RIMS2: variants seen among roughly 807,000 people sequenced by gnomAD.
The protein encoded by RIMS2 is regulating synaptic membrane exocytosis 2.
RIMS2 carries 59 observed loss-of-function variants against 174.4 expected under a neutral mutation model. The observed-to-expected ratio is 0.34, with a 90% CI of 0.27 to 0.42. RIMS2 has a LOEUF of 0.42. Among genes scored for constraint, RIMS2 ranks in the 10% least tolerant of loss-of-function variants. The pLI is 1.00. For missense variants in RIMS2, 1,620 were observed against 1,666.3 expected (o/e 0.97, Z 0.48); for synonymous variants, 606 against 572.5 (o/e 1.06, Z -0.84).
At chr8:103,620,261 C>A (rs1320385733) in intron 1 of RIMS2, among the ~76,000 whole-genome samples, 1 of 152,130 alleles carries the variant, frequency 6.6e-6, no homozygotes, top group African/African-American at 2.4e-5. Context: ...CAAAGATGTT[C>A]CTTCACTGCT....
intron 3 of RIMS2, among the ~76,000 whole-genome samples, chr8:103,833,215 G>T (rs2154480513): frequency 6.6e-6 from 1 of 152,184 alleles, no homozygotes; most frequent in African/African-American, 2.4e-5. Flanking sequence ...AGAAGTAAAT[G>T]GTTCGTGATG....
Position 104,107,179 on chromosome 8 carries a change from G to A in RIMS2, c.3334+92564G>A, listed in dbSNP as rs560171030. On this transcript the variant is annotated intron_variant, in intron 19 of 23. Coordinates refer to ENST00000504942, the Ensembl canonical transcript of RIMS2. Reference sequence around the variant, plus strand: ...AGGATCTTGTCTTTGTTCCTTGCACGTATGTTCACGTTGACTCTTCTACCT... The same window carrying A: ...AGGATCTTGTCTTTGTTCCTTGCACATATGTTCACGTTGACTCTTCTACCT... Among the ~76,000 whole-genome samples, 234 of 152,106 alleles carry A rather than the reference G, an allele frequency of 1.5e-3. 3 individuals carry two copies. In the South Asian group the frequency reaches 0.035, roughly 23 times the overall value.
At chr8:104,024,297 C>T (rs2096194011) in intron 19 of RIMS2, among the ~76,000 whole-genome samples, 1 of 152,150 alleles carries the variant, frequency 6.6e-6, no homozygotes, top group African/African-American at 2.4e-5. Context: ...TGTGACTTAG[C>T]TCCTTGATTT....
At chr8:103,787,520 T>A (rs1270421872) in intron 3 of RIMS2, among the ~76,000 whole-genome samples, 2 of 151,902 alleles carry the variant, frequency 1.3e-5, no homozygotes, top group Non-Finnish European at 2.9e-5. Context: ...TTATTTCTCC[T>A]TCGCTTATGA....
intron 1 of RIMS2, 33 bp downstream of exon 3, chr8:103,652,743 ATC>A (rs768004751): frequency 1.9e-5 from 22 of 1,181,354 alleles, no homozygotes; most frequent in Non-Finnish European, 2.4e-5. Flanking sequence ...ACTAAATATT[ATC>A]TCTGATAGTA....
At chr8:104,018,839 C>T (rs2096001736) in intron 19 of RIMS2, among the ~76,000 whole-genome samples, 1 of 152,130 alleles carries the variant, frequency 6.6e-6, no homozygotes, top group African/African-American at 2.4e-5. Flanking sequence ...TCTTCTTCAT[C>T]CCAGTTCAAT....
chr8:103,687,319 G>A (rs1349051064), intron 1 of RIMS2, among the ~76,000 whole-genome samples: 2 of 150,386 alleles, frequency 1.3e-5, no homozygotes, highest in Admixed American at 6.6e-5. Context: ...GGTAATTTGT[G>A]TCTTGTTTTT....
intron 1 of RIMS2, among the ~76,000 whole-genome samples, chr8:103,597,286 T>C (rs1284404641): frequency 6.6e-6 from 1 of 152,162 alleles, no homozygotes; most frequent in East Asian, 1.9e-4. Flanking sequence ...ATACACATAG[T>C]AGCACAGTTT....
At chr8:103,669,475 C>G (rs1241410027) in intron 1 of RIMS2, among the ~76,000 whole-genome samples, 1 of 152,194 alleles carries the variant, frequency 6.6e-6, no homozygotes, top group Non-Finnish European at 1.5e-5. Flanking sequence ...ACTCAGAAGT[C>G]CACAGTCCAA....
chr8:103,931,771 C>T (rs2079998699), intron 12 of RIMS2, among the ~76,000 whole-genome samples: 1 of 151,864 alleles, frequency 6.6e-6, no homozygotes, highest in African/African-American at 2.4e-5. Context: ...GCTAAAAATA[C>T]TACTAAAAAG....
rs1173929755 is a variant in RIMS2 at position 104,114,836 on chromosome 8, A to G, written c.3334+100221A>G. The stretch of plus-strand genomic sequence containing the variant: ...ATAATCATTTAAGTTTTTCATCTAC[A>G]TTAATGTATAAGCTTTAATAACTAA... On this transcript the variant is annotated intron_variant, in intron 19 of 23. Transcript: ENST00000504942. Among the ~76,000 whole-genome samples, 3 of 152,112 alleles carry G rather than the reference A, an allele frequency of 2.0e-5. No individual in the cohort carries two copies. In the East Asian group the frequency reaches 5.8e-4, roughly 29 times the overall value.
chr8:104,058,363 T>C (rs1368234658), intron 19 of RIMS2, among the ~76,000 whole-genome samples: 2 of 149,010 alleles, frequency 1.3e-5, no homozygotes, highest in African/African-American at 5.0e-5. Flanking sequence ...TGCATAAATG[T>C]CTTCTTTTGA....
chr8:103,687,366 AT>A (rs36052983), intron 1 of RIMS2, among the ~76,000 whole-genome samples: 27,709 of 148,078 alleles, frequency 0.19, 2,731 homozygotes, highest in African/African-American at 0.26. Context: ...AATTTTAGTG[AT>A]TTTTTTTTTC....
At chr8:104,023,091 G>A (rs2096148636) in intron 19 of RIMS2, among the ~76,000 whole-genome samples, 1 of 152,144 alleles carries the variant, frequency 6.6e-6, no homozygotes, top group African/African-American at 2.4e-5. Flanking sequence ...TCATGAGTAA[G>A]TTTAAGGGAG....
chr8:103,832,088 C>A (rs1455582471), intron 3 of RIMS2, among the ~76,000 whole-genome samples: 2 of 152,068 alleles, frequency 1.3e-5, no homozygotes, highest in East Asian at 3.9e-4. Context: ...ATTAATATAA[C>A]CATGTGTGCA....
At chr8:103,875,673 G>A (rs1240883753) in intron 3 of RIMS2, among the ~76,000 whole-genome samples, 1 of 151,908 alleles carries the variant, frequency 6.6e-6, no homozygotes, top group African/African-American at 2.4e-5. Context: ...TTAGTTCTTT[G>A]AGAAATCTCT....
At chr8:103,841,439 C>A (rs978825) in intron 3 of RIMS2, among the ~76,000 whole-genome samples, 18,877 of 151,908 alleles carry the variant, frequency 0.12, 1,276 homozygotes, top group Middle Eastern at 0.23. Flanking sequence ...GATTCTCTGT[C>A]TCGGTGTAAA....
At chr8:103,530,721 C>G (rs940820050) in intron 1 of RIMS2, among the ~76,000 whole-genome samples, 1 of 151,958 alleles carries the variant, frequency 6.6e-6, no homozygotes, top group Non-Finnish European at 1.5e-5. Flanking sequence ...TATAATACCT[C>G]TAATTTTTAT....
At chr8:103,588,198 A>G (rs1166826590) in intron 1 of RIMS2, among the ~76,000 whole-genome samples, 1 of 151,918 alleles carries the variant, frequency 6.6e-6, no homozygotes, top group Non-Finnish European at 1.5e-5. Context: ...AATCAAAGAA[A>G]TGAAAGATCT....
Sources: gnomAD v4.1 joint callset for allele counts (sites outside exome capture counted in the v4.1 genomes callset) on GRCh38, gnomAD v4.1.1 for gene constraint, MANE v1.5 for transcripts, NCBI Gene and HGNC (gene_info 2026-07-23, HGNC 2026-07-21) for gene names.